Variants in RAPGEFL1 observed in about 807,000 individuals in gnomAD.
The protein encoded by RAPGEFL1 is rap guanine nucleotide exchange factor-like 1.
RAPGEFL1 carries 31 observed loss-of-function variants against 64.4 expected under a neutral mutation model. The observed-to-expected ratio is 0.48, with a 90% CI of 0.36 to 0.65. The LOEUF (loss-of-function observed/expected upper bound fraction) is 0.65, where lower values mean the gene tolerates loss of function less well. Ranked by LOEUF, RAPGEFL1 falls within the 30% of genes least tolerant of loss-of-function variation. The pLI, the probability that RAPGEFL1 is intolerant of heterozygous loss-of-function variation, is 0.00. For missense variants in RAPGEFL1, 682 were observed against 677.4 expected, an observed-to-expected ratio of 1.01 and a Z score of -0.08; for synonymous variants, 331 against 274.1, an observed-to-expected ratio of 1.21 and a Z score of -2.05.
intron 4 of RAPGEFL1, among the ~76,000 whole-genome samples, chr17:40,185,518 A>C (rs1189055090): frequency 6.9e-6 from 1 of 144,242 alleles, no homozygotes; most frequent in African/African-American, 2.6e-5. Context: ...TGTCTCCACT[A>C]CAAAAAAAAA....
At chr17:40,177,394 C>CG (rs1369294238), upstream of RAPGEFL1, 3 of 442,504 alleles carry the variant, frequency 6.8e-6, no homozygotes, top group Non-Finnish European at 1.4e-5. Flanking sequence ...TCGTGCGGCG[C>CG]GGGGGCGAGC....
chr17:40,191,689 C>A lies in RAPGEFL1; in HGVS notation c.1605+17C>A. On this transcript the variant is annotated intron_variant, in intron 10 of 14. Coordinates refer to ENST00000620260, the MANE Select transcript of RAPGEFL1 (RefSeq NM_016339.6). This position sits in a 1 kb window ranked among gnomAD's most constrained non-coding sequence, Gnocchi z 5.1. ...ACCTGGGAGGTGATGAGACCCCTCC[C>A]GTTCCTACCTGGGAATCTGGGCATC... 2 of 1,602,476 alleles carry A rather than the reference C, an allele frequency of 1.2e-6. No individual in the cohort carries two copies. The highest frequency in any genetic ancestry group is 2.2e-5 in the East Asian group (1 of 44,518).
chr17:40,184,659 G>C lies in RAPGEFL1; in HGVS notation c.814G>C (p.Val272Leu), dbSNP rs371657365. Residue 272 changes from valine (V) to leucine (L), a missense_variant, in exon 4 of 15, where the codon GTG (valine) becomes CTG (leucine). Around this residue, in one of 2 missense-constraint regions of RAPGEFL1, gnomAD observed 271 missense variants for 158.0 expected, o/e 1.72. Coordinates refer to ENST00000620260, the MANE Select transcript of RAPGEFL1 (RefSeq NM_016339.6). ...REDTLRLHQL[V>L]ETVELKIPEE... is the part of the protein sequence containing the mutation. ...GGACACTCTGAGGCTGCACCAGCTG[G>C]TGGAGACGGTGGAACTAAAGTGAGG... The C allele has an allele frequency of 2.5e-6, 4 of 1,582,672 alleles. No homozygotes were observed. Among genetic ancestry groups the C allele is most frequent in the Non-Finnish European group, 3.5e-6 (4 of 1,157,672 alleles).
In RAPGEFL1 at chr17:40,193,222, C is replaced by T. The variant is rs910967861; in HGVS notation, c.1810-141C>T. The T allele has an allele frequency of 7.8e-6, 8 of 1,021,350 alleles. No homozygotes were observed. The Admixed American group carries it at 1.3e-4, about 16-fold the overall frequency. 63.3% of individuals were successfully genotyped at this position (1,021,350 alleles called of 1,614,324 possible). On this transcript the variant is annotated intron_variant, in intron 13 of 14. Transcript: ENST00000620260. Reference sequence around the variant, plus strand: ...CCCTCACATGGCACTCTGTTACACCCACTCCTTTGGTCCTTCAGAGACCCT... The same window carrying T: ...CCCTCACATGGCACTCTGTTACACCTACTCCTTTGGTCCTTCAGAGACCCT...
In RAPGEFL1 at chr17:40,178,062, C is replaced by T; in HGVS notation, c.201C>T (p.Phe67=). 3.3e-6 allele frequency: 2 copies of T among 603,470 alleles called. No homozygotes were observed. The highest frequency in any genetic ancestry group is 5.9e-6 in the Non-Finnish European group (2 of 341,048). The allele number at this position is 603,470 out of a possible 1,614,324, so 37.4% of individuals were successfully genotyped here. ...TGTCTCGCCTGCTGCTCCCCGCTTTCCTCCGGGAGCCCCCCGCCGAGCCGG... is the reference window on the plus strand; with the variant it reads ...TGTCTCGCCTGCTGCTCCCCGCTTTTCTCCGGGAGCCCCCCGCCGAGCCGG... ...QSVSRLLLPA[F]LREPPAEPGL... The change falls in exon 1 of 15, where the codon TTC becomes TTT. Residue 67 remains phenylalanine, a synonymous_variant. Transcript: ENST00000620260.
chr17:40,193,767 G>A lies in RAPGEFL1; in HGVS notation c.1968G>A (p.Lys656=). The change falls in exon 15 of 15, where the codon AAG becomes AAA. Residue 656 remains lysine (K), a synonymous_variant. Transcript: ENST00000620260. ...NQNLLFELSY[K]LEANSQ ...ACCTCCTCTTCGAGCTCTCCTACAAGCTGGAGGCAAACAGTCAGTGAGAGT... is the reference window on the plus strand; with the variant it reads ...ACCTCCTCTTCGAGCTCTCCTACAAACTGGAGGCAAACAGTCAGTGAGAGT... The A allele has an allele frequency of 6.2e-7, 1 of 1,614,048 alleles. No homozygotes were observed.
chr17:40,193,908 AAG>A lies in RAPGEFL1; in HGVS notation c.*123_*124del. ...TGGAGCAACTTCCTGCTCCACGGGAAAGAGGTCGATGGATTTACCCCTGGACC... is the reference window on the plus strand; with the variant it reads ...TGGAGCAACTTCCTGCTCCACGGGAAAGGTCGATGGATTTACCCCTGGACC... On this transcript the variant is annotated 3_prime_UTR_variant, in exon 15 of 15. Transcript: ENST00000620260. 7.2e-7 allele frequency: 1 copy of A among 1,379,838 alleles called. No individual in the cohort carries two copies. The highest frequency in any genetic ancestry group is 9.8e-7 in the Non-Finnish European group (1 of 1,018,606). 85.5% of individuals were successfully genotyped at this position (1,379,838 alleles called of 1,614,324 possible). A position where few individuals can be genotyped will look rare whatever the true frequency, so the allele number is the denominator to read the frequency against.
At chr17:40,187,965 G>C (rs2145215524) in intron 4 of RAPGEFL1, among the ~76,000 whole-genome samples, 1 of 143,394 alleles carries the variant, frequency 7.0e-6, no homozygotes, top group South Asian at 2.3e-4. Flanking sequence ...TGCCAGGCTG[G>C]AGTGCATGGC....
intron 8 of RAPGEFL1, 106 bp downstream of exon 8, chr17:40,190,868 A>G (rs750231375): frequency 1.3e-6 from 2 of 1,523,310 alleles, no homozygotes; most frequent in South Asian, 1.3e-5. Flanking sequence ...CACTTGCAGC[A>G]AGCCCTTGGG....
intron 2 of RAPGEFL1, among the ~76,000 whole-genome samples, chr17:40,182,213 C>T (rs754435157): frequency 3.9e-5 from 6 of 152,196 alleles, no homozygotes; most frequent in Non-Finnish European, 7.3e-5. Context: ...AGGTAAATAG[C>T]ACCTGCCCTG....
intron 4 of RAPGEFL1, 188 bp from the exon 5 acceptor site, chr17:40,188,678 G>A (rs893996897): frequency 1.7e-6 from 1 of 595,312 alleles, no homozygotes; most frequent in African/African-American, 1.9e-5. Flanking sequence ...GGTGGCATTT[G>A]ATTAGGGTTA....
At position 40,177,852 on chromosome 17, in the gene RAPGEFL1, G is replaced by A. The variant is rs921079990; in HGVS notation, c.-10G>A. 4.4e-5 allele frequency: 17 copies of A among 386,760 alleles called. No homozygotes were observed. Among genetic ancestry groups the A allele is most frequent in the Non-Finnish European group, 7.0e-5 (16 of 227,332 alleles). The allele number at this position is 386,760 out of a possible 1,614,324, so 24.0% of individuals were successfully genotyped here. ...CCCCGGCGACCCCTAGGAGAGGGGC[G>A]GGGGGGGGCATGAAGCCGCTGGAGA... On this transcript the variant is annotated 5_prime_UTR_variant, in exon 1 of 15. Transcript: ENST00000620260.
At position 40,189,447 on chromosome 17, in the gene RAPGEFL1, G is replaced by A. The variant is rs557007630; in HGVS notation, c.1114+72G>A. ...ACAAGCTCAGGGCTCTGGGGGAGGG[G>A]TAGAGACTGAATTCTAGGCCCTTGC... is the stretch of plus-strand genomic sequence containing the variant. On this transcript the variant is annotated intron_variant, in intron 6 of 14. Transcript: ENST00000620260. 7.4e-4 allele frequency: 1,124 copies of A among 1,526,752 alleles called. 5 individuals carry two copies. In the Middle Eastern group the frequency reaches 9.8e-3, roughly 13 times the overall value. 94.6% of individuals were successfully genotyped at this position (1,526,752 alleles called of 1,614,324 possible).
At position 40,191,457 on chromosome 17, in the gene RAPGEFL1, G is replaced by A; in HGVS notation, c.1477G>A (p.Ala493Thr). 1.2e-6 allele frequency: 2 copies of A among 1,607,270 alleles called. No homozygotes were observed. Among genetic ancestry groups the A allele is most frequent in the Non-Finnish European group, 1.7e-6 (2 of 1,178,628 alleles). Reference sequence around the variant, plus strand: ...GCTCTGCGAGGCCCCGGGCAAGCGCGCGCAGCTGCTCAAGAAGTTCATCAA... The same window carrying A: ...GCTCTGCGAGGCCCCGGGCAAGCGCACGCAGCTGCTCAAGAAGTTCATCAA... Reference protein sequence around the residue: ...VLLCEAPGKRAQLLKKFIKIA... With the variant: ...VLLCEAPGKRTQLLKKFIKIA... The change falls in exon 9 of 15, where the codon GCG becomes ACG. Residue 493 changes from alanine to threonine, a missense_variant. By Grantham distance (58) the Ala-to-Thr change is moderately conservative (BLOSUM62 0). Transcript: ENST00000620260. This position sits in a 1 kb window ranked among gnomAD's most constrained non-coding sequence, Gnocchi z 5.1.
rs781648606 is a variant in RAPGEFL1, at chr17:40,190,405, C to A, written c.1115-29C>A. On this transcript the variant is annotated intron_variant, in intron 6 of 14. Transcript: ENST00000620260. ...TGTGTGAGGGTGCAGGCGGCAGGGG[C>A]CGAGGATGAGCAGCTCTTTCTCCTG... 3.1e-6 allele frequency: 5 copies of A among 1,604,996 alleles called. No individual in the cohort carries two copies. In the African/African-American group the frequency reaches 5.4e-5, roughly 17 times the overall value.
chr17:40,186,320 G>A (rs926020439), intron 4 of RAPGEFL1, among the ~76,000 whole-genome samples: 2 of 149,728 alleles, frequency 1.3e-5, no homozygotes, highest in African/African-American at 2.4e-5. Flanking sequence ...TGTAATCCCA[G>A]CACTTTGGGA....
rs527733124 is a variant in RAPGEFL1 at position 40,191,114 on chromosome 17, G to C, written c.1336-202G>C. On this transcript the variant is annotated intron_variant, in intron 8 of 14. Transcript: ENST00000620260. This position sits in a 1 kb window ranked among gnomAD's most constrained non-coding sequence, Gnocchi z 5.1. ...ATGCCTGGCACCTAGTAAGTGCTCA[G>C]TAGCTGGTGAAATATTATTAATGCT... 4.9e-6 allele frequency: 3 copies of C among 612,612 alleles called. No homozygotes were observed. In the African/African-American group the frequency reaches 5.6e-5, roughly 12 times the overall value. The allele number at this position is 612,612 out of a possible 1,614,324, so 37.9% of individuals were successfully genotyped here. A position where few individuals can be genotyped will look rare whatever the true frequency, so the allele number is the denominator to read the frequency against.
Position 40,193,771 on chromosome 17 carries a change from G to A in RAPGEFL1, c.1972G>A (p.Glu658Lys), listed in dbSNP as rs780006754. 6.2e-7 allele frequency: 1 copy of A among 1,614,040 alleles called. No homozygotes were observed. The highest frequency in any genetic ancestry group is 8.5e-7 in the Non-Finnish European group (1 of 1,179,992). ...NLLFELSYKL[E>K]ANSQ is the part of the protein sequence containing the mutation. ...CCTCTTCGAGCTCTCCTACAAGCTG[G>A]AGGCAAACAGTCAGTGAGAGTGGAG... The change falls in exon 15 of 15, where the codon GAG becomes AAG. Residue 658 changes from glutamate (E) to lysine (K), a missense_variant. Glu to Lys is a moderately conservative substitution (Grantham distance 56). Transcript: ENST00000620260.
chr17:40,179,187 C>T (rs777797670), intron 1 of RAPGEFL1, among the ~76,000 whole-genome samples: 25 of 152,152 alleles, frequency 1.6e-4, no homozygotes, highest in Non-Finnish European at 3.4e-4. Context: ...CTGCCTCAGC[C>T]TCCTGAGTAG....
Sources: allele counts gnomAD v4.1 joint callset (sites outside exome capture counted in the v4.1 genomes callset), GRCh38; gene constraint gnomAD v4.1.1; regional missense constraint gnomAD v4.1.1; non-coding constraint Gnocchi (gnomAD v3.1); transcripts MANE v1.5; gene names NCBI Gene and HGNC (gene_info 2026-07-23, HGNC 2026-07-21).